ABCA12: variants seen among roughly 807,000 people sequenced by gnomAD.
The protein encoded by ABCA12 is ATP binding cassette subfamily A member 12.
A neutral mutation model predicts 293.5 loss-of-function variants in ABCA12; 156 were observed. That is an observed-to-expected ratio of 0.53 (90% CI 0.47 to 0.61). The LOEUF (loss-of-function observed/expected upper bound fraction) is 0.61, where lower values mean the gene tolerates loss of function less well. Among genes scored for constraint, ABCA12 ranks in the 20% least tolerant of loss-of-function variants. ABCA12 has a pLI of 0.00. For synonymous variants in ABCA12, 1,063 were observed against 1,108.0 expected (o/e 0.96, Z 0.81); for missense variants, 2,797 against 3,090.2 (o/e 0.91, Z 2.25).
chr2:214,991,052 A>C, intron 23 of ABCA12, 21 bp from the exon 24 acceptor site: 2 of 1,605,930 alleles, frequency 1.2e-6, no homozygotes, highest in Non-Finnish European at 1.7e-6. Flanking sequence ...AAAAAATGTG[A>C]GGCGCTTGTT....
intron 1 of ABCA12, among the ~76,000 whole-genome samples, chr2:215,132,623 A>C (rs1465033794): frequency 1.3e-5 from 2 of 151,724 alleles, no homozygotes. Context: ...TTAAGTCTGA[A>C]TGCATCTTTA....
At chr2:215,089,909 A>G (rs910152538) in intron 2 of ABCA12, among the ~76,000 whole-genome samples, 5 of 152,188 alleles carry the variant, frequency 3.3e-5, no homozygotes, top group African/African-American at 1.2e-4. Context: ...CCTGTGACTT[A>G]ATTTTTACCT....
chr2:215,090,822 C>G (rs1559188612), intron 2 of ABCA12, among the ~76,000 whole-genome samples: 1 of 152,230 alleles, frequency 6.6e-6, no homozygotes, highest in East Asian at 1.9e-4. Context: ...GGGCAATCTT[C>G]CGCCCACCAT....
intron 52 of ABCA12, among the ~76,000 whole-genome samples, chr2:214,933,636 C>T (rs1698131976): frequency 6.6e-6 from 1 of 152,156 alleles, no homozygotes. Flanking sequence ...GGAAAGGATT[C>T]TGCATTTACC....
intron 50 of ABCA12, among the ~76,000 whole-genome samples, chr2:214,941,396 G>A (rs902347332): frequency 1.3e-5 from 2 of 152,132 alleles, no homozygotes; most frequent in African/African-American, 4.8e-5. Flanking sequence ...TTAGAATAGT[G>A]ATGTGGTGCT....
At chr2:215,095,632 G>T (rs180988419) in intron 2 of ABCA12, among the ~76,000 whole-genome samples, 2 of 152,126 alleles carry the variant, frequency 1.3e-5, no homozygotes, top group East Asian at 3.9e-4. Flanking sequence ...CCTCTATTTT[G>T]TTTTGTTTTT....
chr2:214,935,337 C>T (rs1698186620), intron 51 of ABCA12, among the ~76,000 whole-genome samples: 1 of 152,016 alleles, frequency 6.6e-6, no homozygotes, highest in South Asian at 2.1e-4. Context: ...GAGGAACAGA[C>T]CAGGGAGAAT....
Position 214,986,697 on chromosome 2 carries a change from C to A in ABCA12, c.4008G>T (p.Glu1336Asp). The stretch of plus-strand genomic sequence containing the variant: ...CGACTGTGAGATCTTTAGGTTCAGG[C>A]TCGATGTTAGAGGAAAACATGTATT... ...SPEYMFSSNI[E>D]PEPKDLTVGV... The change falls in exon 28 of 53, where the codon GAG becomes GAT. Residue 1336 changes from glutamate to aspartate, a missense_variant. Around this residue, in one of 3 missense-constraint regions of ABCA12, gnomAD observed 2,130 missense variants for 2,427.0 expected, o/e 0.88. Coordinates refer to ENST00000272895, the MANE Select transcript of ABCA12 (RefSeq NM_173076.3). 6.2e-7 allele frequency: 1 copy of A among 1,614,028 alleles called. No individual in the cohort carries two copies. Among genetic ancestry groups the A allele is most frequent in the South Asian group, 1.1e-5 (1 of 91,080 alleles).
Position 214,932,271 on chromosome 2 carries a change from T to A in ABCA12, c.*363A>T, listed in dbSNP as rs1295641887. The A allele has an allele frequency of 4.0e-6, 1 of 250,902 alleles. No homozygotes were observed. Among genetic ancestry groups the A allele is most frequent in the African/African-American group, 2.3e-5 (1 of 43,382 alleles). 15.5% of individuals were successfully genotyped at this position (250,902 alleles called of 1,614,324 possible). A position where few individuals can be genotyped will look rare whatever the true frequency, so the allele number is the denominator to read the frequency against. On this transcript the variant is annotated 3_prime_UTR_variant, in exon 53 of 53. Transcript: ENST00000272895. ...CTGCCACAAACCATCTGACTTTTCT[T>A]CTCCACTCTTATATTTCAACTACCA...
chr2:214,945,559 T>C (rs1302066483), intron 48 of ABCA12, among the ~76,000 whole-genome samples: 1 of 152,202 alleles, frequency 6.6e-6, no homozygotes, highest in Non-Finnish European at 1.5e-5. Flanking sequence ...TATTTTTAGT[T>C]TTCTGTTATT....
chr2:214,980,547 C>T lies in ABCA12; in HGVS notation c.4676G>A (p.Gly1559Glu). The T allele has an allele frequency of 6.2e-7, 1 of 1,613,932 alleles. No homozygotes were observed. The highest frequency in any genetic ancestry group is 8.5e-7 in the Non-Finnish European group (1 of 1,179,980). ...GGCTTCCTTGAGGTAAAATGGGGAC[C>T]CACAGCACCTAAGCCCACCCTGCTC... ...FLEQGGLRCC[G>E]SPFYLKEAFG... Residue 1559 changes from glycine (G) to glutamate (E), a missense_variant, in exon 31 of 53, where the codon GGG (glycine) becomes GAG (glutamate). Coordinates refer to ENST00000272895, the MANE Select transcript of ABCA12 (RefSeq NM_173076.3).
chr2:214,965,794 A>T (rs1287871356), intron 39 of ABCA12, among the ~76,000 whole-genome samples: 3 of 152,192 alleles, frequency 2.0e-5, no homozygotes, highest in African/African-American at 7.2e-5. Flanking sequence ...GTAAGAATGT[A>T]AATTAGTTCA....
At chr2:215,038,432 A>G (rs753934585) in intron 7 of ABCA12, among the ~76,000 whole-genome samples, 1 of 152,194 alleles carries the variant, frequency 6.6e-6, no homozygotes, top group Non-Finnish European at 1.5e-5. Flanking sequence ...TTGCTTCAAC[A>G]TGGTGGGGAG....
intron 1 of ABCA12, among the ~76,000 whole-genome samples, chr2:215,126,059 A>G (rs1020130937): frequency 2.0e-5 from 3 of 151,938 alleles, no homozygotes; most frequent in African/African-American, 7.3e-5. Context: ...TGATCATGTG[A>G]TTTTTGTTTT....
chr2:214,934,604 C>T (rs545762780), intron 51 of ABCA12, among the ~76,000 whole-genome samples: 23 of 151,996 alleles, frequency 1.5e-4, no homozygotes, highest in South Asian at 4.1e-4. Context: ...TGTTCTAAAA[C>T]GCTAAAAATT....
At chr2:214,987,584 T>G in intron 27 of ABCA12, 63 bp downstream of exon 27, 1 of 1,562,544 alleles carries the variant, frequency 6.4e-7, no homozygotes, top group South Asian at 1.2e-5. Flanking sequence ...TTGAAACTAC[T>G]AGTCATGTAA....
intron 26 of ABCA12, 141 bp from the exon 27 acceptor site, chr2:214,987,934 G>T (rs1699823086): frequency 1.8e-6 from 2 of 1,097,868 alleles, no homozygotes; most frequent in Non-Finnish European, 2.6e-6. Context: ...GGTGGTCTCA[G>T]TTTCCATAGT....
intron 36 of ABCA12, 61 bp downstream of exon 36, chr2:214,973,888 C>T (rs774264847): frequency 2.2e-5 from 31 of 1,390,818 alleles, no homozygotes; most frequent in Non-Finnish European, 2.9e-5. Context: ...AGAGATCTTT[C>T]GAGCTTTCGA....
intron 8 of ABCA12, chr2:215,032,353 A>G (rs543260129): frequency 5.1e-6 from 1 of 195,564 alleles, no homozygotes; most frequent in Non-Finnish European, 1.1e-5. Context: ...TCACTAATCT[A>G]TATTTTCTAT....
Sources: gnomAD v4.1 joint callset for allele counts (sites outside exome capture counted in the v4.1 genomes callset) on GRCh38, gnomAD v4.1.1 for gene constraint, gnomAD v4.1.1 regional missense constraint, MANE v1.5 for transcripts, NCBI Gene and HGNC (gene_info 2026-07-23, HGNC 2026-07-21) for gene names.